Variants in MEGF10 observed in about 807,000 individuals in gnomAD.
The protein encoded by MEGF10 is multiple epidermal growth factor-like domains protein 10.
In MEGF10, 86 loss-of-function variants were observed where a neutral mutation model predicts 147.5. The observed-to-expected ratio is 0.58, with a 90% CI of 0.49 to 0.70. The LOEUF (loss-of-function observed/expected upper bound fraction) is 0.70. Ranked by LOEUF, MEGF10 falls within the 30% of genes least tolerant of loss-of-function variation. MEGF10 has a pLI of 0.00. For synonymous variants in MEGF10, 478 were observed against 525.5 expected (o/e 0.91, Z 1.24); for missense variants, 1,329 against 1,487.3 (o/e 0.89, Z 1.75).
intron 16 of MEGF10, among the ~76,000 whole-genome samples, chr5:127,437,649 A>G (rs1451485141): frequency 1.3e-5 from 2 of 152,226 alleles, no homozygotes; most frequent in Non-Finnish European, 2.9e-5. Context: ...ACTTTATCTG[A>G]CTTTCTGATG....
At chr5:127,263,076 T>G in the MEGF10 span, among the ~76,000 whole-genome samples, 99 of 152,334 alleles carry the variant, frequency 6.5e-4, no homozygotes, top group African/African-American at 2.3e-3. Flanking sequence ...AGGTGTTGTC[T>G]ACCTTTAAAG....
At chr5:127,320,670 T>C (rs1339194810) in intron 1 of MEGF10, among the ~76,000 whole-genome samples, 1 of 152,244 alleles carries the variant, frequency 6.6e-6, no homozygotes, top group African/African-American at 2.4e-5. Context: ...CAGCTTTGAA[T>C]ACTGACATTC....
chr5:127,242,862 A>G, the MEGF10 span, among the ~76,000 whole-genome samples: 11 of 152,256 alleles, frequency 7.2e-5, no homozygotes, highest in East Asian at 1.5e-3. Context: ...CTTTATGTCT[A>G]TTTGAAGGAA....
intron 2 of MEGF10, among the ~76,000 whole-genome samples, chr5:127,333,472 A>T (rs974696889): frequency 6.6e-6 from 1 of 151,920 alleles, no homozygotes; most frequent in Non-Finnish European, 1.5e-5. Context: ...AGATCATGCC[A>T]CTGCACTCCA....
chr5:127,267,281 C>A, the MEGF10 span, among the ~76,000 whole-genome samples: 2 of 152,126 alleles, frequency 1.3e-5, no homozygotes, highest in African/African-American at 4.8e-5. Flanking sequence ...CCCACTTGGT[C>A]ATGGTGGATA....
chr5:127,356,877 C>T (rs1164441062), intron 4 of MEGF10, among the ~76,000 whole-genome samples: 1 of 152,156 alleles, frequency 6.6e-6, no homozygotes, highest in African/African-American at 2.4e-5. Context: ...CTGGGAATGC[C>T]TGCAGTAAAG....
the MEGF10 span, among the ~76,000 whole-genome samples, chr5:127,249,494 C>T: frequency 1.3e-5 from 2 of 151,736 alleles, no homozygotes; most frequent in African/African-American, 2.4e-5. Flanking sequence ...AACATACAAA[C>T]ATGAGATGGA....
At chr5:127,412,163 A>G (rs1374804277) in intron 9 of MEGF10, among the ~76,000 whole-genome samples, 1 of 152,274 alleles carries the variant, frequency 6.6e-6, no homozygotes, top group Non-Finnish European at 1.5e-5. Flanking sequence ...TGACAATTAC[A>G]TAGATCAATA....
At chr5:127,248,005 T>C in the MEGF10 span, among the ~76,000 whole-genome samples, 1 of 152,012 alleles carries the variant, frequency 6.6e-6, no homozygotes, top group East Asian at 1.9e-4. Flanking sequence ...GCAAAGGAGC[T>C]AACAAAGGAA....
intron 5 of MEGF10, among the ~76,000 whole-genome samples, chr5:127,382,959 C>T (rs1763310714): frequency 6.6e-6 from 1 of 152,110 alleles, no homozygotes; most frequent in Non-Finnish European, 1.5e-5. Flanking sequence ...TAAGTGTTGC[C>T]AAGGATGTGA....
chr5:127,429,518 T>C (rs1765327097), intron 13 of MEGF10, among the ~76,000 whole-genome samples: 1 of 152,144 alleles, frequency 6.6e-6, no homozygotes, highest in Non-Finnish European at 1.5e-5. Flanking sequence ...AACAAATAAA[T>C]TTATTTAACA....
At chr5:127,299,484 T>C (rs1354567577) in intron 1 of MEGF10, among the ~76,000 whole-genome samples, 1 of 152,156 alleles carries the variant, frequency 6.6e-6, no homozygotes, top group Non-Finnish European at 1.5e-5. Flanking sequence ...AGGGAAAGGG[T>C]TGCAAACTTC....
At chr5:127,255,038 G>A in the MEGF10 span, among the ~76,000 whole-genome samples, 1 of 151,610 alleles carries the variant, frequency 6.6e-6, no homozygotes, top group Admixed American at 6.6e-5. Context: ...TGGTGGGCAG[G>A]GGGCCAGGGA....
chr5:127,426,165 A>AAG (rs1337121722), intron 13 of MEGF10, among the ~76,000 whole-genome samples: 1 of 152,210 alleles, frequency 6.6e-6, no homozygotes, highest in Non-Finnish European at 1.5e-5. Context: ...GATGCCAAGG[A>AAG]AGATGGCTTG....
chr5:127,237,492 CA>C, the MEGF10 span, among the ~76,000 whole-genome samples: 1 of 150,756 alleles, frequency 6.6e-6, no homozygotes, highest in Admixed American at 6.6e-5. Context: ...ACTCTGTCTC[CA>C]AAAAAATAAA....
At chr5:127,431,962 A>T (rs953909913) in intron 13 of MEGF10, among the ~76,000 whole-genome samples, 4 of 152,228 alleles carry the variant, frequency 2.6e-5, no homozygotes, top group South Asian at 4.1e-4. Flanking sequence ...TTTGAAAAAA[A>T]AATAATATAT....
Position 127,398,328 on chromosome 5 carries a change from CA to C in MEGF10, c.660-344del, listed in dbSNP as rs1258436653. On this transcript the variant is annotated intron_variant, in intron 6 of 24. Coordinates refer to ENST00000503335, the MANE Select transcript of MEGF10 (RefSeq NM_001256545.2). ...TTTGGGAACAGAACAAACATATAAA[CA>C]AAAGTAGACTTAAACTGGAGCACAA... Among the ~76,000 whole-genome samples the C allele has an allele frequency of 2.0e-5, 3 of 152,078 alleles. No individual in the cohort carries two copies. The East Asian group carries it at 5.8e-4, about 29-fold the overall frequency.
chr5:127,390,193 A>T (rs1029140191), intron 5 of MEGF10, among the ~76,000 whole-genome samples: 3 of 152,182 alleles, frequency 2.0e-5, no homozygotes, highest in Non-Finnish European at 2.9e-5. Flanking sequence ...TTCCCCAGAT[A>T]GTAGTTTCAA....
intron 5 of MEGF10, 29 bp downstream of exon 5, chr5:127,370,031 C>G: frequency 6.3e-7 from 1 of 1,588,232 alleles, no homozygotes; most frequent in Non-Finnish European, 8.6e-7. Flanking sequence ...TTGTCTGTCT[C>G]GGGATGTTTT....
Sources: allele counts gnomAD v4.1 joint callset (sites outside exome capture counted in the v4.1 genomes callset), GRCh38; gene constraint gnomAD v4.1.1; transcripts MANE v1.5; gene names NCBI Gene and HGNC (gene_info 2026-07-23, HGNC 2026-07-21).